Variants in SRPK2 observed in about 807,000 individuals in gnomAD.
SRPK2 encodes the protein SRSF protein kinase 2.
In SRPK2, 21 loss-of-function variants were observed where a neutral mutation model predicts 90.8. The observed-to-expected ratio is 0.23, with a 90% CI of 0.16 to 0.33. The LOEUF is 0.33. SRPK2 is among the 10% of genes least tolerant of loss of function. The pLI, the probability that SRPK2 is intolerant of heterozygous loss-of-function variation, is 1.00. For synonymous variants in SRPK2, 288 were observed against 311.1 expected, an observed-to-expected ratio of 0.93 and a Z score of 0.78; for missense variants, 620 against 869.0, an observed-to-expected ratio of 0.71 and a Z score of 3.60.
rs903280867 is a variant in SRPK2 at position 105,319,861 on chromosome 7, T to C, written c.71+68787A>G. Reference sequence around the variant, plus strand: ...GAGTTCTGGACATCACTTCCCCCCCTTTTTTTTTTTTTTTGTCTATAAATC... The same window carrying C: ...GAGTTCTGGACATCACTTCCCCCCCCTTTTTTTTTTTTTTGTCTATAAATC... On this transcript the variant is annotated intron_variant, in intron 2 of 15. Transcript: ENST00000393651. Among the ~76,000 whole-genome samples, 1,335 of 144,290 alleles carry C rather than the reference T, an allele frequency of 9.3e-3. 9 individuals carry two copies. Among genetic ancestry groups the C allele is most frequent in the Non-Finnish European group, 0.013 (835 of 65,448 alleles). 94.7% of individuals were successfully genotyped at this position (144,290 alleles called of 152,430 possible). A position where few individuals can be genotyped will look rare whatever the true frequency, so the allele number is the denominator to read the frequency against.
intron 2 of SRPK2, among the ~76,000 whole-genome samples, chr7:105,323,967 TTGTGTGTGTGTGTG>T (rs58288208): frequency 0.021 from 2,751 of 133,860 alleles, 38 homozygotes; most frequent in South Asian, 0.056. Context: ...AGACTATTCT[TTGTGTGTGTGTGTG>T]TGTGTGTGTG....
chr7:105,244,820 G>A (rs758727167), intron 2 of SRPK2: 8 of 975,352 alleles, frequency 8.2e-6, no homozygotes, highest in African/African-American at 3.2e-5. Context: ...CAAGCAGCAC[G>A]CCAAGGAGTT....
intron 2 of SRPK2, among the ~76,000 whole-genome samples, chr7:105,263,735 A>AACAC (rs148704705): frequency 2.6e-5 from 4 of 151,436 alleles, no homozygotes; most frequent in East Asian, 1.9e-4. Context: ...TCTTAGGCAC[A>AACAC]ACACACACAC....
At chr7:105,317,018 T>C (rs1050653522) in intron 2 of SRPK2, among the ~76,000 whole-genome samples, 1 of 152,248 alleles carries the variant, frequency 6.6e-6, no homozygotes, top group Admixed American at 6.5e-5. Flanking sequence ...ATTCTCTTTT[T>C]TCCTGAGGGG....
intron 15 of SRPK2, among the ~76,000 whole-genome samples, chr7:105,119,389 T>G (rs1053371159): frequency 1.3e-5 from 2 of 152,096 alleles, no homozygotes; most frequent in Non-Finnish European, 1.5e-5. Context: ...AAAGGGGAAG[T>G]AGCCTACAAT....
chr7:105,203,343 C>T (rs1795797872), intron 3 of SRPK2, among the ~76,000 whole-genome samples: 1 of 152,130 alleles, frequency 6.6e-6, no homozygotes, highest in Non-Finnish European at 1.5e-5. Flanking sequence ...CTGTATACTA[C>T]CTTTAATTCT....
At chr7:105,388,550 C>G (rs1450507289) in intron 2 of SRPK2, 98 bp downstream of exon 2, 2 of 1,138,634 alleles carry the variant, frequency 1.8e-6, no homozygotes, top group East Asian at 6.6e-5. Flanking sequence ...CCAGCCCGCC[C>G]GCCGGCCCGG....
At chr7:105,191,572 G>A (rs1278208462) in intron 3 of SRPK2, among the ~76,000 whole-genome samples, 1 of 152,124 alleles carries the variant, frequency 6.6e-6, no homozygotes, top group South Asian at 2.1e-4. Flanking sequence ...TGGGGAAGGG[G>A]AAGAAAAGCA....
At chr7:105,323,967 T>TTGTGTGTGTGTGTGTGTGTG (rs58288208) in intron 2 of SRPK2, among the ~76,000 whole-genome samples, 8 of 133,816 alleles carry the variant, frequency 6.0e-5, no homozygotes, top group South Asian at 2.6e-4. Context: ...AGACTATTCT[T>TTGTGTGTGTGTGTGTGTGTG]TGTGTGTGTG....
At chr7:105,330,863 T>C (rs1023872929) in intron 2 of SRPK2, among the ~76,000 whole-genome samples, 6 of 152,032 alleles carry the variant, frequency 3.9e-5, no homozygotes, top group Non-Finnish European at 8.8e-5. Context: ...CATGGCTGTG[T>C]ATGCCTATAG....
chr7:105,346,975 T>C (rs1049140167), intron 2 of SRPK2, among the ~76,000 whole-genome samples: 75 of 151,418 alleles, frequency 5.0e-4, no homozygotes, highest in African/African-American at 1.7e-3. Flanking sequence ...AAATTCTACA[T>C]GAAGAAATAA....
chr7:105,180,682 C>T (rs532040113), intron 3 of SRPK2, among the ~76,000 whole-genome samples: 1 of 152,114 alleles, frequency 6.6e-6, no homozygotes, highest in African/African-American at 2.4e-5. Context: ...CACTTTAACC[C>T]GGGAGATGAA....
intron 2 of SRPK2, among the ~76,000 whole-genome samples, chr7:105,368,652 G>C (rs1422908172): frequency 6.6e-6 from 1 of 152,032 alleles, no homozygotes; most frequent in Non-Finnish European, 1.5e-5. Flanking sequence ...AAGGAGGCCA[G>C]GGTTGGTGGA....
At chr7:105,361,028 G>T (rs1416619038) in intron 2 of SRPK2, among the ~76,000 whole-genome samples, 1 of 152,110 alleles carries the variant, frequency 6.6e-6, no homozygotes, top group Non-Finnish European at 1.5e-5. Flanking sequence ...AGGAAAAGAG[G>T]AAGTCAAATT....
At chr7:105,372,996 G>A (rs149731724) in intron 2 of SRPK2, among the ~76,000 whole-genome samples, 7 of 152,258 alleles carry the variant, frequency 4.6e-5, no homozygotes, top group Non-Finnish European at 7.4e-5. Context: ...CACTGAGGCA[G>A]GAGAATCACT....
chr7:105,176,557 ATG>A (rs10691783), intron 3 of SRPK2, among the ~76,000 whole-genome samples: 61,809 of 148,070 alleles, frequency 0.42, 14,577 homozygotes, highest in Non-Finnish European at 0.53. Context: ...TTTTGCATAT[ATG>A]TGTGTGTGTG....
intron 3 of SRPK2, among the ~76,000 whole-genome samples, chr7:105,182,452 CCTTT>C (rs1792999827): frequency 8.4e-6 from 1 of 118,634 alleles, no homozygotes; most frequent in Non-Finnish European, 1.7e-5. Flanking sequence ...TCCCCCCCCG[CCTTT>C]TTTTTTTTTT....
chr7:105,128,720 A>G (rs1301070690), intron 13 of SRPK2, among the ~76,000 whole-genome samples: 1 of 152,126 alleles, frequency 6.6e-6, no homozygotes. Flanking sequence ...CTGGTTGCAT[A>G]TATTTCTTTT....
intron 2 of SRPK2, chr7:105,301,752 C>T (rs2131262763): frequency 6.2e-7 from 1 of 1,600,666 alleles, no homozygotes; most frequent in Non-Finnish European, 8.6e-7. Flanking sequence ...AGCTGTAAAG[C>T]AGAGTATATT....
Sources: gnomAD v4.1 joint callset for allele counts (sites outside exome capture counted in the v4.1 genomes callset) on GRCh38, gnomAD v4.1.1 for gene constraint, MANE v1.5 for transcripts, NCBI Gene and HGNC (gene_info 2026-07-23, HGNC 2026-07-21) for gene names.